Variants in PHF20 observed in about 807,000 individuals in gnomAD.
The protein encoded by PHF20 is PHD finger protein 20, also known as glioma-expressed antigen 2.
A neutral mutation model predicts 113.5 loss-of-function variants in PHF20; 23 were observed. That is an observed-to-expected ratio of 0.20 (90% confidence interval 0.15 to 0.29). PHF20 has a LOEUF of 0.29. Among genes scored for constraint, PHF20 ranks in the 10% least tolerant of loss-of-function variants. The pLI, the probability that PHF20 is intolerant of heterozygous loss-of-function variation, is 1.00. For missense variants in PHF20, 943 were observed against 1,219.6 expected (o/e 0.77, Z 3.38); for synonymous variants, 434 against 457.3 (o/e 0.95, Z 0.65).
At chr20:35,900,954 A>G (rs1371685697) in intron 10 of PHF20, among the ~76,000 whole-genome samples, 1 of 152,086 alleles carries the variant, frequency 6.6e-6, no homozygotes, top group Non-Finnish European at 1.5e-5. Context: ...GACAGTAGTT[A>G]CCTTTGGGAG....
intron 1 of PHF20, among the ~76,000 whole-genome samples, chr20:35,791,495 A>G (rs2041552342): frequency 1.7e-5 from 2 of 115,728 alleles, no homozygotes; most frequent in Admixed American, 1.8e-4. Flanking sequence ...CTATCTATCT[A>G]TCTATCTTAG....
chr20:35,792,347 C>T (rs540956796), intron 1 of PHF20, among the ~76,000 whole-genome samples: 1 of 151,154 alleles, frequency 6.6e-6, no homozygotes, highest in East Asian at 1.9e-4. Context: ...GCCACCACGC[C>T]CGGCTAATTT....
At chr20:35,873,505 A>G (rs113731940) in intron 9 of PHF20, among the ~76,000 whole-genome samples, 6,601 of 114,160 alleles carry the variant, frequency 0.058, 201 homozygotes, top group African/African-American at 0.12. Flanking sequence ...GTCTTGCTCT[A>G]TCGCCCAGGC....
intron 14 of PHF20, among the ~76,000 whole-genome samples, chr20:35,930,819 A>G (rs1042861053): frequency 5.9e-5 from 9 of 152,174 alleles, no homozygotes; most frequent in African/African-American, 2.2e-4. Flanking sequence ...CAGAAACTGA[A>G]ATGAGGCCAG....
At chr20:35,894,710 C>T (rs2054944826) in intron 9 of PHF20, among the ~76,000 whole-genome samples, 1 of 152,198 alleles carries the variant, frequency 6.6e-6, no homozygotes, top group African/African-American at 2.4e-5. Context: ...ATTATCGTCT[C>T]CATCCTGCAC....
At chr20:35,880,953 C>G (rs978545288) in intron 9 of PHF20, among the ~76,000 whole-genome samples, 1 of 137,180 alleles carries the variant, frequency 7.3e-6, no homozygotes, top group Non-Finnish European at 1.6e-5. Flanking sequence ...GAGCGAGACT[C>G]TGTCTCAAAG....
At chr20:35,816,919 G>C (rs2042086094) in intron 2 of PHF20, among the ~76,000 whole-genome samples, 1 of 149,654 alleles carries the variant, frequency 6.7e-6, no homozygotes, top group Admixed American at 6.7e-5. Context: ...AGCCTCGTGA[G>C]TAGTGGGATT....
Position 35,858,401 on chromosome 20 carries a change from G to T in PHF20, c.420+20G>T, listed in dbSNP as rs1372001605. 1 of 1,387,110 alleles carries T rather than the reference G, an allele frequency of 7.2e-7. No individual in the cohort carries two copies. Among genetic ancestry groups the T allele is most frequent in the Non-Finnish European group, 1.0e-6 (1 of 982,280 alleles). 85.9% of individuals were successfully genotyped at this position (1,387,110 alleles called of 1,614,324 possible). On this transcript the variant is annotated intron_variant, in intron 5 of 17. Transcript: ENST00000374012. ...GATCAGGTGAGAAATGTGGTTTTGTGCTTTGTGTTATGAATAATGCTAACA... is the reference window on the plus strand; with the variant it reads ...GATCAGGTGAGAAATGTGGTTTTGTTCTTTGTGTTATGAATAATGCTAACA...
At chr20:35,844,343 C>A (rs372275286) in intron 3 of PHF20, among the ~76,000 whole-genome samples, 1 of 151,514 alleles carries the variant, frequency 6.6e-6, no homozygotes, top group Non-Finnish European at 1.5e-5. Context: ...ACCTCGTGAT[C>A]CGCCTGCCTC....
intron 17 of PHF20, among the ~76,000 whole-genome samples, chr20:35,945,559 T>C (rs1435405793): frequency 1.3e-5 from 2 of 152,050 alleles, no homozygotes; most frequent in Non-Finnish European, 2.9e-5. Context: ...TGCAGGCTGC[T>C]TGATGAAGAG....
chr20:35,853,420 C>A (rs138208056), intron 4 of PHF20: 2 of 152,196 alleles, frequency 1.3e-5, no homozygotes, highest in Non-Finnish European at 2.9e-5. Flanking sequence ...CTGGAATAAT[C>A]TGACTTCCGA....
At chr20:35,904,627 G>C (rs1421637269) in intron 10 of PHF20, among the ~76,000 whole-genome samples, 1 of 151,984 alleles carries the variant, frequency 6.6e-6, no homozygotes, top group Non-Finnish European at 1.5e-5. Flanking sequence ...CTTGGCTTTG[G>C]ACTCCTCAAT....
chr20:35,907,014 A>G lies in PHF20; in HGVS notation c.1562-6235A>G, dbSNP rs2055212451. Among the ~76,000 whole-genome samples, 3 of 152,110 alleles carry G rather than the reference A, an allele frequency of 2.0e-5. No individual in the cohort carries two copies. The South Asian group carries it at 6.2e-4, about 31-fold the overall frequency. On this transcript the variant is annotated intron_variant, in intron 10 of 17. Coordinates refer to ENST00000374012, the MANE Select transcript of PHF20 (RefSeq NM_016436.5). ...TACCACTTCTCTGATAGGCAGAGAG[A>G]ACCCCTCCAAGCCCATATCTGCTTC... is the stretch of plus-strand genomic sequence containing the variant.
intron 17 of PHF20, among the ~76,000 whole-genome samples, chr20:35,945,270 T>A (rs1173224564): frequency 6.6e-6 from 1 of 152,124 alleles, no homozygotes; most frequent in African/African-American, 2.4e-5. Flanking sequence ...AGGGATATAG[T>A]GGCAAGCAAG....
intron 12 of PHF20, among the ~76,000 whole-genome samples, chr20:35,915,363 A>T (rs945179344): frequency 6.6e-6 from 1 of 150,860 alleles, no homozygotes; most frequent in African/African-American, 2.4e-5. Flanking sequence ...ATATATATAT[A>T]TTTTGTTTTG....
At position 35,949,747 on chromosome 20, in the gene PHF20, C is replaced by A. The variant is rs535738457; in HGVS notation, c.*2120C>A. 1 of 152,732 alleles carries A rather than the reference C, an allele frequency of 6.5e-6. No homozygotes were observed. Among genetic ancestry groups the A allele is most frequent in the Non-Finnish European group, 1.5e-5 (1 of 68,034 alleles). The allele number at this position is 152,732 out of a possible 1,614,324, so 9.5% of individuals were successfully genotyped here. Reference sequence around the variant, plus strand: ...CCGTTATTTGCAAACATTGCTGTTACCATTTAGAAATATGTGCACTATCAG... The same window carrying A: ...CCGTTATTTGCAAACATTGCTGTTAACATTTAGAAATATGTGCACTATCAG... On this transcript the variant is annotated 3_prime_UTR_variant, in exon 18 of 18. Transcript: ENST00000374012.
chr20:35,942,271 AT>A (rs1254960517), intron 17 of PHF20, among the ~76,000 whole-genome samples: 5 of 152,186 alleles, frequency 3.3e-5, no homozygotes, highest in African/African-American at 9.7e-5. Flanking sequence ...CTCTAAAAAA[AT>A]AAACTAAAAA....
intron 12 of PHF20, 22 bp from the exon 13 acceptor site, chr20:35,917,460 CTG>C: frequency 1.3e-6 from 2 of 1,596,114 alleles, no homozygotes. Flanking sequence ...AAAATAGTAA[CTG>C]TTGTTTTCCC....
At chr20:35,838,062 A>G (rs1259032649) in intron 2 of PHF20, among the ~76,000 whole-genome samples, 1 of 152,070 alleles carries the variant, frequency 6.6e-6, no homozygotes, top group Admixed American at 6.6e-5. Context: ...TTTTTTTTGA[A>G]TGAGGGAGAA....
Sources: gnomAD v4.1 joint callset for allele counts (sites outside exome capture counted in the v4.1 genomes callset) on GRCh38, gnomAD v4.1.1 for gene constraint, MANE v1.5 for transcripts, NCBI Gene and HGNC (gene_info 2026-07-23, HGNC 2026-07-21) for gene names.